The following PDGFD variants were observed in gnomAD, a reference collection of about 807,000 sequenced individuals.
PDGFD encodes the protein platelet derived growth factor D, also known as platelet-derived growth factor D.
PDGFD carries 30 observed loss-of-function variants against 44.7 expected under a neutral mutation model. The observed-to-expected ratio is 0.67, with a 90% CI of 0.50 to 0.91. The LOEUF (loss-of-function observed/expected upper bound fraction) is 0.91, where lower values mean the gene tolerates loss of function less well. Among genes scored for constraint, PDGFD ranks in the 40% least tolerant of loss-of-function variants. PDGFD has a pLI of 0.00. For synonymous variants in PDGFD, 173 were observed against 168.4 expected, an observed-to-expected ratio of 1.03 and a Z score of -0.21; for missense variants, 445 against 457.8, an observed-to-expected ratio of 0.97 and a Z score of 0.25.
chr11:104,042,344 T>G (rs1177469240), intron 1 of PDGFD, among the ~76,000 whole-genome samples: 1 of 152,220 alleles, frequency 6.6e-6, no homozygotes, highest in African/African-American at 2.4e-5. Flanking sequence ...TGTTAGAATC[T>G]TTGAATTTCT....
intron 1 of PDGFD, among the ~76,000 whole-genome samples, chr11:104,108,112 T>C (rs957569187): frequency 3.9e-5 from 6 of 152,162 alleles, no homozygotes; most frequent in Non-Finnish European, 7.3e-5. Flanking sequence ...ATAGTTTTCA[T>C]TACAATGTCC....
At chr11:104,154,697 G>A (rs1862283268) in intron 1 of PDGFD, among the ~76,000 whole-genome samples, 1 of 152,140 alleles carries the variant, frequency 6.6e-6, no homozygotes, top group African/African-American at 2.4e-5. Context: ...AGTAGTAAAC[G>A]CTATGGAATT....
At chr11:104,109,411 T>G (rs139378817) in intron 1 of PDGFD, among the ~76,000 whole-genome samples, 1 of 152,122 alleles carries the variant, frequency 6.6e-6, no homozygotes, top group Admixed American at 6.6e-5. Flanking sequence ...AATGAGATGA[T>G]GTGACCCTTG....
chr11:104,041,249 T>C (rs1860346485), intron 1 of PDGFD, among the ~76,000 whole-genome samples: 1 of 152,036 alleles, frequency 6.6e-6, no homozygotes, highest in African/African-American at 2.4e-5. Flanking sequence ...CTTGTGGGGG[T>C]AGAAGACAGA....
intron 1 of PDGFD, among the ~76,000 whole-genome samples, chr11:104,149,233 G>A (rs1037396080): frequency 1.3e-5 from 2 of 152,068 alleles, no homozygotes; most frequent in Non-Finnish European, 2.9e-5. Flanking sequence ...TAGGTTATTG[G>A]AAATTGCAAC....
chr11:103,990,982 A>G (rs995933344), intron 3 of PDGFD, among the ~76,000 whole-genome samples: 2 of 152,008 alleles, frequency 1.3e-5, no homozygotes, highest in Non-Finnish European at 2.9e-5. Flanking sequence ...TACTAAAAAT[A>G]CAAAAAATTA....
intron 1 of PDGFD, among the ~76,000 whole-genome samples, chr11:104,022,671 G>T (rs1490076895): frequency 6.6e-6 from 1 of 151,698 alleles, no homozygotes; most frequent in Non-Finnish European, 1.5e-5. Flanking sequence ...ATATATATTT[G>T]AACCTTAACA....
chr11:103,986,919 A>T (rs1198085450), intron 3 of PDGFD, among the ~76,000 whole-genome samples: 2 of 152,134 alleles, frequency 1.3e-5, no homozygotes, highest in Non-Finnish European at 2.9e-5. Flanking sequence ...CCTGCACTGG[A>T]TGGATCAGCT....
At chr11:104,103,639 T>G (rs1353633819) in intron 1 of PDGFD, among the ~76,000 whole-genome samples, 1 of 151,704 alleles carries the variant, frequency 6.6e-6, no homozygotes, top group Non-Finnish European at 1.5e-5. Context: ...CCCATCAAAT[T>G]ATATTGGAGC....
intron 1 of PDGFD, among the ~76,000 whole-genome samples, chr11:104,087,121 G>T (rs556921807): frequency 6.9e-6 from 1 of 145,302 alleles, no homozygotes; most frequent in African/African-American, 2.5e-5. Context: ...TGCCTCCCAG[G>T]TTCAAGAAGT....
intron 1 of PDGFD, among the ~76,000 whole-genome samples, chr11:104,050,110 G>C (rs361312): frequency 0.33 from 50,584 of 151,940 alleles, 8,737 homozygotes; most frequent in East Asian, 0.57. Context: ...GGGAGGGAGA[G>C]TCTGAAAAAG....
intron 1 of PDGFD, chr11:104,036,894 C>T (rs17851869): frequency 2.5e-6 from 4 of 1,614,174 alleles, no homozygotes; most frequent in Non-Finnish European, 3.4e-6. Flanking sequence ...TCAGCCCCGA[C>T]TTTGAGCTCC....
intron 3 of PDGFD, among the ~76,000 whole-genome samples, chr11:103,984,759 C>T (rs1859327244): frequency 6.8e-6 from 1 of 146,574 alleles, no homozygotes; most frequent in South Asian, 2.1e-4. Flanking sequence ...GTTCATGTGG[C>T]TGAGGTGCTA....
At chr11:104,039,671 A>T (rs1860315424) in intron 1 of PDGFD, among the ~76,000 whole-genome samples, 1 of 152,174 alleles carries the variant, frequency 6.6e-6, no homozygotes, top group Non-Finnish European at 1.5e-5. Flanking sequence ...TTAAGAACTC[A>T]AAACAAATGC....
intron 3 of PDGFD, among the ~76,000 whole-genome samples, chr11:103,975,449 C>T (rs1234001707): frequency 6.6e-6 from 1 of 152,096 alleles, no homozygotes; most frequent in East Asian, 1.9e-4. Context: ...GTTGCCTGTT[C>T]ACTCTGATGA....
intron 1 of PDGFD, among the ~76,000 whole-genome samples, chr11:104,036,136 G>A (rs1398196389): frequency 6.6e-6 from 1 of 152,102 alleles, no homozygotes; most frequent in East Asian, 1.9e-4. Context: ...ATGATAATAT[G>A]CTGTTTAGAA....
At chr11:104,079,007 G>T (rs1406891966) in intron 1 of PDGFD, among the ~76,000 whole-genome samples, 2 of 152,138 alleles carry the variant, frequency 1.3e-5, no homozygotes, top group African/African-American at 4.8e-5. Context: ...GGTCTACTGT[G>T]AATATTGCTT....
At chr11:104,035,830 T>C (rs946977406) in intron 1 of PDGFD, among the ~76,000 whole-genome samples, 13 of 152,204 alleles carry the variant, frequency 8.5e-5, no homozygotes, top group Non-Finnish European at 1.3e-4. Flanking sequence ...ACCTGGAAGA[T>C]GCTCATCCTT....
rs142550304 is a variant in PDGFD, at chr11:103,910,367, G to A, written c.988-548C>T. ...TCCCAGCGAGATCAATGCAGAAGGC[G>A]GGTGATTTCTCCATTCCCAACTGAG... On this transcript the variant is annotated intron_variant, in intron 6 of 6. Transcript: ENST00000393158. Among the ~76,000 whole-genome samples, 940 of 152,300 alleles carry A rather than the reference G, an allele frequency of 6.2e-3. 5 individuals carry two copies. Among genetic ancestry groups the A allele is most frequent in the South Asian group, 0.052 (253 of 4,826 alleles).
Sources: allele counts gnomAD v4.1 joint callset (sites outside exome capture counted in the v4.1 genomes callset), GRCh38; gene constraint gnomAD v4.1.1; transcripts MANE v1.5; gene names NCBI Gene and HGNC (gene_info 2026-07-23, HGNC 2026-07-21).